Variants in UNC79 observed in about 807,000 individuals in gnomAD.
UNC79 encodes the protein unc-79 subunit of NALCN channel complex.
UNC79 carries 37 observed loss-of-function variants against 283.1 expected under a neutral mutation model. The ratio of observed to expected loss-of-function variants is 0.13; its 90% CI spans 0.10 to 0.17. The LOEUF (loss-of-function observed/expected upper bound fraction) is 0.17. Among genes scored for constraint, UNC79 ranks in the 10% least tolerant of loss-of-function variants. The pLI, the probability that UNC79 is intolerant of heterozygous loss-of-function variation, is 1.00. For missense variants in UNC79, 2,272 were observed against 3,211.1 expected (o/e 0.71, Z 7.07); for synonymous variants, 1,107 against 1,200.2 (o/e 0.92, Z 1.61).
chr14:93,581,040 C>G (rs2063766258), intron 19 of UNC79, among the ~76,000 whole-genome samples: 1 of 151,716 alleles, frequency 6.6e-6, no homozygotes, highest in South Asian at 2.1e-4. Flanking sequence ...GTTTCTCCAT[C>G]TAGCTGTTGA....
intron 14 of UNC79, among the ~76,000 whole-genome samples, chr14:93,566,213 T>C (rs986509970): frequency 6.6e-6 from 1 of 152,160 alleles, no homozygotes; most frequent in Non-Finnish European, 1.5e-5. Context: ...CTGCATTGGT[T>C]GCCGGAGAAT....
rs1251701550 is a variant in UNC79 at position 93,493,901 on chromosome 14, A to ATAT, written c.713-2509_713-2508insATT. 1.8e-4 allele frequency among the ~76,000 whole-genome samples: 9 copies of ATAT among 49,254 alleles called. 1 individual carries two copies. Among genetic ancestry groups the ATAT allele is most frequent in the East Asian group, 7.5e-4 (1 of 1,336 alleles). 32.3% of individuals were successfully genotyped at this position (49,254 alleles called of 152,430 possible). On this transcript the variant is annotated intron_variant, in intron 5 of 48. Transcript: ENST00000555664. ...TATATATATATATATATATATATAT[A>ATAT]TTTTTTTTTTTTTTTTTTTGAGATA... is the stretch of plus-strand genomic sequence containing the variant.
rs1595767050 is a variant in UNC79 at position 93,531,604 on chromosome 14, C to T, written c.1094-946C>T. Among the ~76,000 whole-genome samples the T allele has an allele frequency of 6.6e-6, 1 of 152,186 alleles. No individual in the cohort carries two copies. Among genetic ancestry groups the T allele is most frequent in the Non-Finnish European group, 1.5e-5 (1 of 68,026 alleles). ...GAAAATTGCTTTCTCTTAAATAACCCTACAGCTGGTTTTACACACACACGT... is the reference window on the plus strand; with the variant it reads ...GAAAATTGCTTTCTCTTAAATAACCTTACAGCTGGTTTTACACACACACGT... On this transcript the variant is annotated intron_variant, in intron 10 of 48. Coordinates refer to ENST00000555664, the Ensembl canonical transcript of UNC79. The surrounding 1 kb of genome is among the most constrained non-coding windows in gnomAD (Gnocchi z 4.2).
chr14:93,485,578 C>T (rs189949827), intron 4 of UNC79, among the ~76,000 whole-genome samples: 214 of 152,202 alleles, frequency 1.4e-3, no homozygotes, highest in African/African-American at 4.9e-3. Flanking sequence ...GAGCAGCCAG[C>T]GTGCACTTTG....
At chr14:93,581,951 G>A (rs1203764558) in intron 19 of UNC79, among the ~76,000 whole-genome samples, 1 of 152,208 alleles carries the variant, frequency 6.6e-6, no homozygotes, top group African/African-American at 2.4e-5. Context: ...AAGATTTAAT[G>A]ATGTTTTTGA....
intron 41 of UNC79, among the ~76,000 whole-genome samples, chr14:93,677,458 T>C (rs1281664329): frequency 3.3e-5 from 5 of 152,170 alleles, no homozygotes; most frequent in Non-Finnish European, 7.4e-5. Flanking sequence ...CTCCCATTTA[T>C]AAAACCATCA....
At chr14:93,496,310 A>G in intron 5 of UNC79, 101 bp from the exon 6 acceptor site, 1 of 700,456 alleles carries the variant, frequency 1.4e-6, no homozygotes, top group Non-Finnish European at 2.3e-6. Context: ...ATGATTAGAG[A>G]CTGAAAAGTC....
chr14:93,676,294 A>C (rs2073335995), intron 41 of UNC79, among the ~76,000 whole-genome samples: 1 of 152,102 alleles, frequency 6.6e-6, no homozygotes, highest in African/African-American at 2.4e-5. Flanking sequence ...TCCTGGACTC[A>C]AGCTATCCAC....
At chr14:93,385,892 C>T (rs764339393) in intron 1 of UNC79, among the ~76,000 whole-genome samples, 4 of 151,958 alleles carry the variant, frequency 2.6e-5, no homozygotes, top group Non-Finnish European at 5.9e-5. Context: ...TAGGTTTTTC[C>T]AAATATAAGA....
intron 38 of UNC79, among the ~76,000 whole-genome samples, chr14:93,657,984 T>C (rs1456012156): frequency 6.6e-6 from 1 of 152,152 alleles, no homozygotes; most frequent in Non-Finnish European, 1.5e-5. Flanking sequence ...TAAATCACTA[T>C]GGGGGCCTGA....
chr14:93,706,690 C>T lies in UNC79; in HGVS notation c.7591-14C>T, dbSNP rs767493218. On this transcript the variant is annotated splice_polypyrimidine_tract_variant and intron_variant, in intron 48 of 48. Transcript: ENST00000555664. ...AAAAGAAATAAACTAAAACCTCTTGCCCTTTTTCGACAGCACTTATCTGCG... is the reference window on the plus strand; with the variant it reads ...AAAAGAAATAAACTAAAACCTCTTGTCCTTTTTCGACAGCACTTATCTGCG... 6 of 1,613,812 alleles carry T rather than the reference C, an allele frequency of 3.7e-6. No individual in the cohort carries two copies. The highest frequency in any genetic ancestry group is 5.1e-6 in the Non-Finnish European group (6 of 1,179,838).
At chr14:93,374,992 A>T (rs1399187373) in intron 1 of UNC79, among the ~76,000 whole-genome samples, 1 of 152,172 alleles carries the variant, frequency 6.6e-6, no homozygotes, top group Non-Finnish European at 1.5e-5. Context: ...TGAAAAGGAC[A>T]TGAGTTTTGG....
chr14:93,333,568 A>G (rs2053503666), intron 1 of UNC79: 1 of 396,564 alleles, frequency 2.5e-6, no homozygotes, highest in African/African-American at 2.1e-5. Context: ...CCACCTTGCT[A>G]CTTGTGTAGT....
At chr14:93,440,735 TTTTG>T (rs1446146917) in intron 1 of UNC79, among the ~76,000 whole-genome samples, 1 of 152,202 alleles carries the variant, frequency 6.6e-6, no homozygotes, top group East Asian at 1.9e-4. Context: ...GGAAGGGCAT[TTTTG>T]TTTCTCTGTT....
At chr14:93,475,523 T>A (rs1368238945) in intron 3 of UNC79, among the ~76,000 whole-genome samples, 2 of 152,232 alleles carry the variant, frequency 1.3e-5, no homozygotes, top group Non-Finnish European at 2.9e-5. Context: ...GTATAGAAAT[T>A]CGTAAAGTTG....
chr14:93,375,721 T>G (rs2054541700), intron 1 of UNC79, among the ~76,000 whole-genome samples: 1 of 152,072 alleles, frequency 6.6e-6, no homozygotes, highest in Non-Finnish European at 1.5e-5. Flanking sequence ...TACTTCTAAA[T>G]GACCAGATGT....
At chr14:93,525,308 G>A (rs1416159817) in intron 8 of UNC79, among the ~76,000 whole-genome samples, 1 of 152,110 alleles carries the variant, frequency 6.6e-6, no homozygotes, top group African/African-American at 2.4e-5. Flanking sequence ...AATAAGCTGG[G>A]CGTGGTGGTG....
chr14:93,496,412 G>A (rs916682998), exon 6 of UNC79: 58 of 1,540,632 alleles, frequency 3.8e-5, no homozygotes, highest in Non-Finnish European at 4.8e-5. Context: ...ACATTACAGT[G>A]TATCATTGTC....
chr14:93,632,683 G>C (rs2140097514), intron 31 of UNC79, among the ~76,000 whole-genome samples: 1 of 149,124 alleles, frequency 6.7e-6, no homozygotes, highest in East Asian at 1.9e-4. Context: ...TGTGCACCCT[G>C]TCTCAAAAAA....
Sources: gnomAD v4.1 joint callset for allele counts (sites outside exome capture counted in the v4.1 genomes callset) on GRCh38, gnomAD v4.1.1 for gene constraint, Gnocchi (gnomAD v3.1) non-coding constraint, MANE v1.5 for transcripts, NCBI Gene and HGNC (gene_info 2026-07-23, HGNC 2026-07-21) for gene names.